CSMD3: variants seen among roughly 807,000 people sequenced by gnomAD.
CSMD3 encodes CUB and sushi domain-containing protein 3.
CSMD3 carries 177 observed loss-of-function variants against 435.2 expected under a neutral mutation model. That is an observed-to-expected ratio of 0.41 (90% CI 0.36 to 0.46). The LOEUF is 0.46. Ranked by LOEUF, CSMD3 falls within the 20% of genes least tolerant of loss-of-function variation. The probability of loss-of-function intolerance (pLI) is 0.34; values close to 1 mark genes in which losing one functional copy is unlikely to be tolerated. For synonymous variants in CSMD3, 1,656 were observed against 1,520.5 expected, an observed-to-expected ratio of 1.09 and a Z score of -2.07; for missense variants, 4,265 against 4,504.6, an observed-to-expected ratio of 0.95 and a Z score of 1.52.
chr8:112,857,050 A>G (rs1359220221), intron 11 of CSMD3, among the ~76,000 whole-genome samples: 1 of 151,610 alleles, frequency 6.6e-6, no homozygotes, highest in East Asian at 1.9e-4. Flanking sequence ...ACAGGAGTGC[A>G]TTCATGTAAG....
chr8:113,313,611 A>C (rs1319068114), intron 2 of CSMD3: 1 of 152,204 alleles, frequency 6.6e-6, no homozygotes, highest in Admixed American at 6.5e-5. Flanking sequence ...TAGCACTGAT[A>C]ATCTGCTTCT....
At chr8:113,410,819 C>T (rs1481645871) in intron 1 of CSMD3, among the ~76,000 whole-genome samples, 4 of 150,058 alleles carry the variant, frequency 2.7e-5, no homozygotes, top group East Asian at 2.0e-4. Flanking sequence ...GGTGGAGGAT[C>T]GCTTAAGTTT....
Position 112,472,621 on chromosome 8 carries a change from C to A in CSMD3, c.5365G>T (p.Val1789Phe). The A allele has an allele frequency of 6.2e-7, 1 of 1,603,768 alleles. No homozygotes were observed. The highest frequency in any genetic ancestry group is 8.5e-7 in the Non-Finnish European group (1 of 1,170,862). ...PKNYSVGHNCVYSIAVPKEFV... is the reference protein window; with the variant it reads ...PKNYSVGHNCFYSIAVPKEFV... ...TCCTTTGGAACTGCTATAGAATAAACACAATTATGTCCCACACTGTAATTT... is the reference window on the plus strand; with the variant it reads ...TCCTTTGGAACTGCTATAGAATAAAAACAATTATGTCCCACACTGTAATTT... The change falls in exon 32 of 71, where the codon GTT (valine) becomes TTT (phenylalanine). Residue 1789 changes from valine to phenylalanine, a missense_variant. This residue lies in a region of CSMD3 where 3,255 missense variants were observed against 3,380.2 expected (regional missense o/e 0.96). Coordinates refer to ENST00000297405, the MANE Select transcript of CSMD3 (RefSeq NM_198123.2).
intron 11 of CSMD3, 102 bp downstream of exon 11, chr8:112,859,043 C>G (rs936402959): frequency 9.0e-7 from 1 of 1,114,338 alleles, no homozygotes; most frequent in South Asian, 1.3e-5. Flanking sequence ...CAAAATCCTA[C>G]TTGAGTTATA....
intron 59 of CSMD3, among the ~76,000 whole-genome samples, chr8:112,266,239 T>A (rs1381858027): frequency 6.6e-6 from 1 of 152,136 alleles, no homozygotes; most frequent in East Asian, 1.9e-4. Flanking sequence ...ATCCAACCCC[T>A]AAAAGGAGGT....
chr8:112,415,465 G>A (rs1050438068), intron 32 of CSMD3, among the ~76,000 whole-genome samples: 1 of 152,172 alleles, frequency 6.6e-6, no homozygotes, highest in Non-Finnish European at 1.5e-5. Context: ...GCTGCAGGGT[G>A]GAGCCATCAT....
At chr8:113,321,866 T>C (rs1242887191) in intron 1 of CSMD3, among the ~76,000 whole-genome samples, 1 of 152,192 alleles carries the variant, frequency 6.6e-6, no homozygotes, top group Admixed American at 6.5e-5. Context: ...AGCTACATAC[T>C]CATAAGAAGA....
At chr8:112,949,184 AG>A in intron 8 of CSMD3, among the ~76,000 whole-genome samples, 1 of 152,206 alleles carries the variant, frequency 6.6e-6, no homozygotes, top group Non-Finnish European at 1.5e-5. Flanking sequence ...ATAAGAAGAT[AG>A]CTATCAGACG....
chr8:112,467,680 G>A (rs1458050549), intron 32 of CSMD3, among the ~76,000 whole-genome samples: 1 of 152,042 alleles, frequency 6.6e-6, no homozygotes, highest in African/African-American at 2.4e-5. Context: ...AGTAGAGTGG[G>A]CCCTAAATCC....
chr8:112,366,191 C>A (rs1012742938), intron 38 of CSMD3, among the ~76,000 whole-genome samples: 2 of 152,076 alleles, frequency 1.3e-5, no homozygotes, highest in African/African-American at 4.8e-5. Flanking sequence ...TTGGGAAGTT[C>A]AAGGCATTCT....
chr8:112,821,992 A>G (rs1346555973), intron 12 of CSMD3, among the ~76,000 whole-genome samples: 1 of 151,950 alleles, frequency 6.6e-6, no homozygotes, highest in Non-Finnish European at 1.5e-5. Flanking sequence ...GCTCTCTGTT[A>G]TGTTCCACTG....
intron 32 of CSMD3, among the ~76,000 whole-genome samples, chr8:112,436,159 A>T (rs1246781464): frequency 6.6e-6 from 1 of 151,902 alleles, no homozygotes; most frequent in Non-Finnish European, 1.5e-5. Context: ...TTGAACTAGA[A>T]CCTAAGAAAT....
chr8:113,344,679 G>A (rs1234132882), intron 1 of CSMD3, among the ~76,000 whole-genome samples: 1 of 152,022 alleles, frequency 6.6e-6, no homozygotes, highest in Non-Finnish European at 1.5e-5. Flanking sequence ...TACAAAAATA[G>A]GTAACATGGA....
chr8:112,308,165 C>A (rs1202002275), intron 50 of CSMD3, among the ~76,000 whole-genome samples: 1 of 152,060 alleles, frequency 6.6e-6, no homozygotes, highest in Non-Finnish European at 1.5e-5. Context: ...TACAGAACCT[C>A]TAAAATAGTG....
intron 36 of CSMD3, among the ~76,000 whole-genome samples, chr8:112,385,790 G>T (rs1262654349): frequency 2.0e-5 from 3 of 152,098 alleles, no homozygotes; most frequent in Admixed American, 2.0e-4. Context: ...GGGGTAGCAA[G>T]AGCAAAAATG....
At chr8:112,326,981 C>A (rs529733897) in intron 45 of CSMD3, among the ~76,000 whole-genome samples, 7 of 152,068 alleles carry the variant, frequency 4.6e-5, no homozygotes, top group Non-Finnish European at 8.8e-5. Context: ...GAGCTTGTGC[C>A]GCTGCACTCC....
chr8:113,259,464 C>T (rs2093409379), intron 3 of CSMD3, among the ~76,000 whole-genome samples: 1 of 152,064 alleles, frequency 6.6e-6, no homozygotes, highest in Non-Finnish European at 1.5e-5. Context: ...TTTTGAATGA[C>T]TCTGAGGTTT....
intron 32 of CSMD3, among the ~76,000 whole-genome samples, chr8:112,415,069 A>T (rs901408110): frequency 5.3e-5 from 8 of 152,232 alleles, no homozygotes; most frequent in African/African-American, 1.9e-4. Flanking sequence ...AAATTTGCAT[A>T]AGTAATGAGG....
At chr8:112,629,594 G>A (rs1014349603) in intron 22 of CSMD3, among the ~76,000 whole-genome samples, 4 of 152,090 alleles carry the variant, frequency 2.6e-5, no homozygotes, top group African/African-American at 9.7e-5. Flanking sequence ...CTATATTCCA[G>A]GATGCATATA....
Sources: gnomAD v4.1 joint callset for allele counts (sites outside exome capture counted in the v4.1 genomes callset) on GRCh38, gnomAD v4.1.1 for gene constraint, gnomAD v4.1.1 regional missense constraint, MANE v1.5 for transcripts, NCBI Gene and HGNC (gene_info 2026-07-23, HGNC 2026-07-21) for gene names.